The following PIGN variants were observed in gnomAD, a reference collection of about 807,000 sequenced individuals.
The protein encoded by PIGN is phosphatidylinositol glycan anchor biosynthesis class N, also known as GPI ethanolamine phosphate transferase 1.
In PIGN, 117 loss-of-function variants were observed where a neutral mutation model predicts 125.4. The ratio of observed to expected loss-of-function variants is 0.93; its 90% CI spans 0.80 to 1.09. The LOEUF (loss-of-function observed/expected upper bound fraction) is 1.09, where lower values mean the gene tolerates loss of function less well. PIGN is among the 50% of genes least tolerant of loss of function. The probability of loss-of-function intolerance (pLI) is 0.00; values close to 1 mark genes in which losing one functional copy is unlikely to be tolerated. For synonymous variants in PIGN, 392 were observed against 377.8 expected (o/e 1.04, Z -0.44); for missense variants, 1,075 against 1,094.9 (o/e 0.98, Z 0.26).
chr18:62,020,877 C>T (rs1410683283), intron 23 of PIGN, among the ~76,000 whole-genome samples: 1 of 150,376 alleles, frequency 6.6e-6, no homozygotes, highest in African/African-American at 2.4e-5. Flanking sequence ...AGGAGAATGG[C>T]GTGAACCTGG....
intron 1 of PIGN, among the ~76,000 whole-genome samples, chr18:62,168,988 TGGGACTAC>T (rs1247292683): frequency 2.6e-5 from 4 of 151,924 alleles, no homozygotes; most frequent in Admixed American, 6.6e-5. Context: ...CCTGAGTAGC[TGGGACTAC>T]AGACGTGTAC....
In PIGN at chr18:62,042,584, A is replaced by G. The variant is rs2030419165; in HGVS notation, c.*3272T>C. 6.6e-6 allele frequency: 1 copy of G among 152,184 alleles called. No individual in the cohort carries two copies. The highest frequency in any genetic ancestry group is 1.5e-5 in the Non-Finnish European group (1 of 68,030). 9.4% of individuals were successfully genotyped at this position (152,184 alleles called of 1,614,324 possible). A position where few individuals can be genotyped will look rare whatever the true frequency, so the allele number is the denominator to read the frequency against. ...AGTACTTTTCATGAGTTTACCCAAG[A>G]GTAATAATAATTCTAGATTTTAGCC... On this transcript the variant is annotated 3_prime_UTR_variant, in exon 31 of 31. Transcript: ENST00000640252.
At chr18:62,092,435 A>G (rs2034004838) in intron 23 of PIGN, among the ~76,000 whole-genome samples, 1 of 152,172 alleles carries the variant, frequency 6.6e-6, no homozygotes, top group Admixed American at 6.5e-5. Context: ...AGAAGTGAAC[A>G]AAGGAAATAA....
chr18:62,103,192 A>C (rs904634643), intron 20 of PIGN, among the ~76,000 whole-genome samples: 9 of 152,182 alleles, frequency 5.9e-5, no homozygotes, highest in Non-Finnish European at 1.3e-4. Flanking sequence ...TAATTTAAAA[A>C]AATTTTAGGC....
chr18:62,038,308 G>GTTTTTTTTTTTTTTTTT (rs34436733), downstream of PIGN, among the ~76,000 whole-genome samples: 1 of 120,088 alleles, frequency 8.3e-6, no homozygotes, highest in Non-Finnish European at 1.6e-5. Flanking sequence ...CCCCCTCCGT[G>GTTTTTTTTTTTTTTTTT]TTTTTTTTTT....
intron 30 of PIGN, among the ~76,000 whole-genome samples, chr18:62,054,872 A>G (rs2031603297): frequency 1.3e-5 from 2 of 152,360 alleles, no homozygotes; most frequent in South Asian, 2.1e-4. Context: ...AAACAATTCA[A>G]TTAGAAAATG....
intron 30 of PIGN, chr18:62,051,783 A>T (rs1387546501): frequency 1.3e-5 from 2 of 151,914 alleles, no homozygotes; most frequent in Non-Finnish European, 2.9e-5. Context: ...AGTTCGTTCA[A>T]TTGTGATGTT....
chr18:62,154,775 G>C, intron 6 of PIGN, 124 bp from the exon 7 acceptor site: 1 of 628,746 alleles, frequency 1.6e-6, no homozygotes, highest in Non-Finnish European at 2.8e-6. Context: ...TGTTCATTAT[G>C]ATGGGGAAGA....
intron 30 of PIGN, chr18:62,053,073 T>G (rs1318327860): frequency 7.1e-6 from 2 of 281,096 alleles, no homozygotes; most frequent in Non-Finnish European, 1.3e-5. Context: ...TTAAGTTTTC[T>G]AAATTATATT....
chr18:62,028,521 C>T (rs971502308), intron 23 of PIGN, among the ~76,000 whole-genome samples: 1 of 152,224 alleles, frequency 6.6e-6, no homozygotes, highest in Non-Finnish European at 1.5e-5. Context: ...AACAAAGCTT[C>T]AGACATTTTC....
intron 30 of PIGN, among the ~76,000 whole-genome samples, chr18:62,067,708 G>T (rs2032605272): frequency 6.6e-6 from 1 of 152,152 alleles, no homozygotes; most frequent in Non-Finnish European, 1.5e-5. Context: ...AGCACAATTT[G>T]TTTACCCATT....
chr18:62,068,847 T>C (rs955208914), intron 30 of PIGN, among the ~76,000 whole-genome samples: 4 of 152,198 alleles, frequency 2.6e-5, no homozygotes, highest in African/African-American at 9.7e-5. Flanking sequence ...AATGTACTCT[T>C]GTAAGCCCCA....
chr18:62,140,900 A>T, intron 11 of PIGN, among the ~76,000 whole-genome samples: 1 of 152,224 alleles, frequency 6.6e-6, no homozygotes, highest in Non-Finnish European at 1.5e-5. Context: ...CCAGCCAGTG[A>T]TGTCCAGAAA....
At chr18:62,157,029 G>A (rs1198045135) in intron 6 of PIGN, 100 bp downstream of exon 6, 1 of 538,288 alleles carries the variant, frequency 1.9e-6, no homozygotes, top group Non-Finnish European at 3.3e-6. Context: ...AAAAATATGT[G>A]TAAAAATCAA....
chr18:62,129,049 T>C (rs1033829960), intron 14 of PIGN, among the ~76,000 whole-genome samples: 3 of 152,100 alleles, frequency 2.0e-5, no homozygotes, highest in Admixed American at 2.0e-4. Flanking sequence ...ACACCTGGCT[T>C]TCTCTCCCCT....
At chr18:62,150,993 C>G (rs2147367632) in intron 7 of PIGN, among the ~76,000 whole-genome samples, 1 of 152,268 alleles carries the variant, frequency 6.6e-6, no homozygotes, top group East Asian at 1.9e-4. Context: ...AGCCACAGCG[C>G]CTGGCCGGAG....
At chr18:62,032,412 T>C (rs2030204694) in intron 23 of PIGN, among the ~76,000 whole-genome samples, 3 of 152,258 alleles carry the variant, frequency 2.0e-5, no homozygotes, top group African/African-American at 7.2e-5. Flanking sequence ...AGCTGGCATA[T>C]GCTTCAAAGG....
intron 20 of PIGN, among the ~76,000 whole-genome samples, chr18:62,104,577 T>C (rs1313377859): frequency 2.0e-5 from 3 of 152,200 alleles, no homozygotes; most frequent in Non-Finnish European, 4.4e-5. Context: ...TACAATTATT[T>C]TGAGCTCTGC....
intron 1 of PIGN, chr18:62,186,253 G>A (rs1418859107): frequency 1.3e-5 from 2 of 152,136 alleles, no homozygotes; most frequent in Non-Finnish European, 2.9e-5. Context: ...GTTTCACCAT[G>A]TTGGTCAGGC....
Sources: allele counts gnomAD v4.1 joint callset (sites outside exome capture counted in the v4.1 genomes callset), GRCh38; gene constraint gnomAD v4.1.1; transcripts MANE v1.5; gene names NCBI Gene and HGNC (gene_info 2026-07-23, HGNC 2026-07-21).